Variants in BMS1 observed in about 807,000 individuals in gnomAD.
BMS1 encodes ribosome biogenesis protein BMS1 homolog.
Under a neutral mutation model 138.7 loss-of-function variants are expected in BMS1, and 53 were observed. The observed-to-expected ratio is 0.38, with a 90% CI of 0.31 to 0.48. BMS1 has a LOEUF of 0.48. Ranked by LOEUF, BMS1 falls within the 20% of genes least tolerant of loss-of-function variation. The pLI is 0.97. For synonymous variants in BMS1, 504 were observed against 539.9 expected, an observed-to-expected ratio of 0.93 and a Z score of 0.92; for missense variants, 1,360 against 1,565.5, an observed-to-expected ratio of 0.87 and a Z score of 2.22.
At position 42,798,635 on chromosome 10, in the gene BMS1, G is replaced by A; in HGVS notation, c.2247+10G>A. 1.2e-6 allele frequency: 2 copies of A among 1,612,918 alleles called. No individual in the cohort carries two copies. The highest frequency in any genetic ancestry group is 1.7e-6 in the Non-Finnish European group (2 of 1,179,098). ...CTGGGATTTAGAGGAGGTAAGTCTG[G>A]GTAGTACATTTGATTTATTAGAGAA... On this transcript the variant is annotated intron_variant, in intron 12 of 22. Coordinates refer to ENST00000374518, the MANE Select transcript of BMS1 (RefSeq NM_014753.4).
At chr10:42,815,682 C>T (rs1373429000) in intron 13 of BMS1, among the ~76,000 whole-genome samples, 8 of 152,276 alleles carry the variant, frequency 5.3e-5, no homozygotes, top group East Asian at 1.9e-4. Context: ...GGTTTACAGG[C>T]GTGAGCCACT....
chr10:42,785,861 A>G (rs562483044), intron 3 of BMS1, among the ~76,000 whole-genome samples, 189 bp downstream of exon 3: 4 of 152,240 alleles, frequency 2.6e-5, no homozygotes, highest in African/African-American at 9.6e-5. Context: ...AGGATGTGAT[A>G]ATGTTCACAT....
intron 9 of BMS1, 39 bp downstream of exon 9, chr10:42,794,030 A>G (rs1467942468): frequency 5.6e-6 from 9 of 1,596,064 alleles, no homozygotes; most frequent in African/African-American, 1.3e-5. Context: ...AAAAAGATGT[A>G]TTACAAAAGA....
chr10:42,819,500 A>T (rs1436514593), intron 15 of BMS1, among the ~76,000 whole-genome samples: 1 of 152,200 alleles, frequency 6.6e-6, no homozygotes, highest in Non-Finnish European at 1.5e-5. Flanking sequence ...TATGGGAGGA[A>T]ACCCTGGTAG....
chr10:42,820,866 T>C, intron 17 of BMS1, 68 bp from the exon 18 acceptor site: 12 of 1,360,986 alleles, frequency 8.8e-6, no homozygotes, highest in Non-Finnish European at 1.2e-5. Context: ...AATGTCCATA[T>C]CCAGTATGTT....
intron 21 of BMS1, among the ~76,000 whole-genome samples, chr10:42,824,250 T>C (rs1162473435): frequency 1.3e-5 from 2 of 152,224 alleles, no homozygotes. Flanking sequence ...TCATCCTACA[T>C]GTCTGCTACT....
intron 13 of BMS1, among the ~76,000 whole-genome samples, chr10:42,808,178 C>T (rs929411135): frequency 6.6e-6 from 1 of 151,902 alleles, no homozygotes; most frequent in African/African-American, 2.4e-5. Flanking sequence ...ATGTTTAACT[C>T]CATCGTCGGA....
rs1842519876 is a variant in BMS1, at chr10:42,822,160, T to G, written c.3108T>G (p.Ile1036Met). The G allele has an allele frequency of 6.9e-7, 1 of 1,455,724 alleles. No homozygotes were observed. Among genetic ancestry groups the G allele is most frequent in the Non-Finnish European group, 9.5e-7 (1 of 1,054,212 alleles). The allele number at this position is 1,455,724 out of a possible 1,614,324, so 90.2% of individuals were successfully genotyped here. ...KLKLTGFPYK[I>M]FKNTSFIKGM... ...AGCTAACTGGTTTTCCATATAAAAT[T>G]TTCAAGAACACTTCATTTATTAAGG... The change falls in exon 19 of 23, where the codon ATT (isoleucine) becomes ATG (methionine). Residue 1036 changes from isoleucine (I) to methionine (M), a missense_variant. Coordinates refer to ENST00000374518, the MANE Select transcript of BMS1 (RefSeq NM_014753.4).
In BMS1 at chr10:42,817,172, G is replaced by C. The variant is rs144641775; in HGVS notation, c.2404-146G>C. 1.3e-4 allele frequency: 85 copies of C among 670,020 alleles called. No homozygotes were observed. The African/African-American group carries it at 1.4e-3, about 11-fold the overall frequency. 41.5% of individuals were successfully genotyped at this position (670,020 alleles called of 1,614,324 possible). ...CAGTACCATGTTATTCAGAGACAAA[G>C]GTTGTGTTGTGTTTTCTTTTGTTTT... On this transcript the variant is annotated intron_variant, in intron 14 of 22. Coordinates refer to ENST00000374518, the MANE Select transcript of BMS1 (RefSeq NM_014753.4).
Position 42,793,900 on chromosome 10 carries a change from C to T in BMS1, c.1138C>T (p.His380Tyr), listed in dbSNP as rs1208101573. 6.2e-7 allele frequency: 1 copy of T among 1,611,924 alleles called. No individual in the cohort carries two copies. Among genetic ancestry groups the T allele is most frequent in the Admixed American group, 1.7e-5 (1 of 60,014 alleles). ...GCTGGTCCAGAGTCTCATCTCTACCCACTCCACCATTGATGCCAAGATGGC... is the reference window on the plus strand; with the variant it reads ...GCTGGTCCAGAGTCTCATCTCTACCTACTCCACCATTGATGCCAAGATGGC... ...HELVQSLIST[H>Y]STIDAKMASS... is the part of the protein sequence containing the mutation. The change falls in exon 9 of 23, where the codon CAC (histidine) becomes TAC (tyrosine). Residue 380 changes from histidine (H) to tyrosine (Y), a missense_variant. Around this residue, in one of 3 missense-constraint regions of BMS1, gnomAD observed 697 missense variants for 686.2 expected, o/e 1.02. Transcript: ENST00000374518.
intron 13 of BMS1, among the ~76,000 whole-genome samples, chr10:42,814,954 C>T (rs1373101646): frequency 6.6e-6 from 1 of 152,132 alleles, no homozygotes; most frequent in Admixed American, 6.5e-5. Context: ...TGGTCAACTT[C>T]CTATTGGATG....
chr10:42,810,852 A>C (rs1842150568), intron 13 of BMS1, among the ~76,000 whole-genome samples: 1 of 152,166 alleles, frequency 6.6e-6, no homozygotes. Context: ...AATACTCTTT[A>C]ACGGCTGCAG....
intron 11 of BMS1, among the ~76,000 whole-genome samples, chr10:42,798,171 C>T (rs946598370): frequency 5.9e-5 from 9 of 152,168 alleles, no homozygotes; most frequent in African/African-American, 9.7e-5. Flanking sequence ...AAAGCTCTGC[C>T]TTTAAATTCC....
chr10:42,812,693 A>C (rs1842218529), intron 13 of BMS1, among the ~76,000 whole-genome samples: 2 of 152,186 alleles, frequency 1.3e-5, no homozygotes, highest in South Asian at 4.1e-4. Flanking sequence ...GCAGGGTCAG[A>C]TGGGCACCAT....
At chr10:42,825,397 C>A (rs1842608897) in intron 21 of BMS1, among the ~76,000 whole-genome samples, 2 of 152,310 alleles carry the variant, frequency 1.3e-5, no homozygotes, top group East Asian at 3.9e-4. Flanking sequence ...GTAGCGTGAA[C>A]ATTTTAACAA....
intron 15 of BMS1, 26 bp from the exon 16 acceptor site, chr10:42,820,210 G>A: frequency 6.2e-7 from 1 of 1,605,376 alleles, no homozygotes; most frequent in Non-Finnish European, 8.5e-7. Context: ...CAGCATACAG[G>A]TTTTTTTATT....
chr10:42,792,424 T>C (rs1841532632), intron 6 of BMS1, 69 bp from the exon 7 acceptor site: 4 of 1,573,288 alleles, frequency 2.5e-6, no homozygotes, highest in Non-Finnish European at 3.4e-6. Context: ...TGATGAATCA[T>C]TGACACATGA....
Position 42,833,836 on chromosome 10 carries a change from A to G in BMS1, c.*2740A>G, listed in dbSNP as rs1280503201. The G allele has an allele frequency of 1.3e-5, 2 of 152,258 alleles. No individual in the cohort carries two copies. The highest frequency in any genetic ancestry group is 3.8e-4 in the East Asian group (2 of 5,202). The allele number at this position is 152,258 out of a possible 1,614,324, so 9.4% of individuals were successfully genotyped here. ...TGTCAGCAAGTATGTTGCAAAAACAAATTCCACCAGAATGTGAGTTCCATG... is the reference window on the plus strand; with the variant it reads ...TGTCAGCAAGTATGTTGCAAAAACAGATTCCACCAGAATGTGAGTTCCATG... On this transcript the variant is annotated 3_prime_UTR_variant, in exon 23 of 23. Coordinates refer to ENST00000374518, the MANE Select transcript of BMS1 (RefSeq NM_014753.4).
In BMS1 at chr10:42,823,674, T is replaced by C. The variant is rs763294447; in HGVS notation, c.3346T>C (p.Leu1116=). ...AGCGTTCTATAACCCAGTAACATCT[T>C]TGTTGAAACCAGTGGGTGAGAAAGA... The part of the protein sequence containing the change: ...IPAFYNPVTS[L]LKPVGEKDTW... The change falls in exon 21 of 23, where the codon TTG becomes CTG. Residue 1116 remains leucine (L), a synonymous_variant. Coordinates refer to ENST00000374518, the MANE Select transcript of BMS1 (RefSeq NM_014753.4). 4 of 1,595,930 alleles carry C rather than the reference T, an allele frequency of 2.5e-6. No homozygotes were observed. In the African/African-American group the frequency reaches 5.3e-5, roughly 21 times the overall value.
Sources: allele counts gnomAD v4.1 joint callset (sites outside exome capture counted in the v4.1 genomes callset), GRCh38; gene constraint gnomAD v4.1.1; regional missense constraint gnomAD v4.1.1; transcripts MANE v1.5; gene names NCBI Gene and HGNC (gene_info 2026-07-23, HGNC 2026-07-21).